Variants in NR6A1 observed in about 807,000 individuals in gnomAD.
NR6A1 encodes the protein nuclear receptor subfamily 6 group A member 1, also known as retinoic acid receptor-related testis-associated receptor.
A neutral mutation model predicts 59.1 loss-of-function variants in NR6A1; 7 were observed. That is an observed-to-expected ratio of 0.12 (90% CI 0.07 to 0.22). The LOEUF (loss-of-function observed/expected upper bound fraction) is 0.22. Among genes scored for constraint, NR6A1 ranks in the 10% least tolerant of loss-of-function variants. The probability of loss-of-function intolerance (pLI) is 1.00; values close to 1 mark genes in which losing one functional copy is unlikely to be tolerated. For synonymous variants in NR6A1, 243 were observed against 236.1 expected (o/e 1.03, Z -0.27); for missense variants, 468 against 611.6 (o/e 0.77, Z 2.48).
chr9:124,766,266 C>T (rs1265000917), intron 1 of NR6A1, among the ~76,000 whole-genome samples: 1 of 152,148 alleles, frequency 6.6e-6, no homozygotes, highest in African/African-American at 2.4e-5. Flanking sequence ...CAGGAAAAAA[C>T]TTTAATTAAA....
intron 2 of NR6A1, among the ~76,000 whole-genome samples, chr9:124,621,856 T>G (rs1256372214): frequency 6.6e-6 from 1 of 152,036 alleles, no homozygotes; most frequent in African/African-American, 2.4e-5. Context: ...GGGAGGAAGG[T>G]GGTTAATTTT....
intron 2 of NR6A1, among the ~76,000 whole-genome samples, chr9:124,637,526 A>G (rs1836644850): frequency 9.2e-5 from 14 of 152,230 alleles, no homozygotes. Context: ...CAAGAAAAAA[A>G]GACTCAAGAG....
At chr9:124,545,396 T>C (rs1342819645) in intron 3 of NR6A1, among the ~76,000 whole-genome samples, 1 of 152,178 alleles carries the variant, frequency 6.6e-6, no homozygotes, top group African/African-American at 2.4e-5. Context: ...ATCTTAATAT[T>C]TTCATCTGCT....
At chr9:124,688,791 T>C (rs1838425190) in intron 2 of NR6A1, among the ~76,000 whole-genome samples, 1 of 152,212 alleles carries the variant, frequency 6.6e-6, no homozygotes, top group Non-Finnish European at 1.5e-5. Flanking sequence ...GATTCCATAA[T>C]TGAAACTGCT....
At chr9:124,635,017 G>A (rs1038888325) in intron 2 of NR6A1, among the ~76,000 whole-genome samples, 4 of 151,994 alleles carry the variant, frequency 2.6e-5, no homozygotes, top group Admixed American at 1.3e-4. Context: ...ACCTAAGTCC[G>A]TAACTTACAA....
chr9:124,538,264 A>G lies in NR6A1; in HGVS notation c.652T>C (p.Ser218Pro). Reference sequence around the variant, plus strand: ...ATATATTGGTAATGTGGAGGCACAGACATTCCCATGTACTGTTCCCTGAAG... The same window carrying G: ...ATATATTGGTAATGTGGAGGCACAGGCATTCCCATGTACTGTTCCCTGAAG... ...MAFREQYMGMSVPPHYQYIPH... is the reference protein window; with the variant it reads ...MAFREQYMGMPVPPHYQYIPH... The change falls in exon 6 of 10, where the codon TCT becomes CCT. Residue 218 changes from serine (S) to proline (P), a missense_variant. Coordinates refer to ENST00000487099, the MANE Select transcript of NR6A1 (RefSeq NM_033334.4). 1.2e-6 allele frequency: 2 copies of G among 1,614,214 alleles called. No individual in the cohort carries two copies. Among genetic ancestry groups the G allele is most frequent in the Non-Finnish European group, 1.7e-6 (2 of 1,180,034 alleles).
chr9:124,644,297 T>C (rs1836868999), intron 2 of NR6A1, among the ~76,000 whole-genome samples: 1 of 80,222 alleles, frequency 1.2e-5, no homozygotes, highest in Non-Finnish European at 2.4e-5. Context: ...TTTTGAGACA[T>C]GGTTTCGCTC....
chr9:124,545,613 T>C (rs1158926647), intron 3 of NR6A1, among the ~76,000 whole-genome samples: 1 of 152,222 alleles, frequency 6.6e-6, no homozygotes, highest in Admixed American at 6.5e-5. Context: ...CTATTTCCAA[T>C]AATAACATCT....
At chr9:124,570,307 C>T (rs1778593001) in intron 2 of NR6A1, among the ~76,000 whole-genome samples, 2 of 152,228 alleles carry the variant, frequency 1.3e-5, no homozygotes, top group Admixed American at 1.3e-4. Flanking sequence ...AGGCACAGAC[C>T]TGTCTACTAG....
At chr9:124,596,306 T>G (rs1044525506) in intron 2 of NR6A1, among the ~76,000 whole-genome samples, 2 of 151,584 alleles carry the variant, frequency 1.3e-5, no homozygotes, top group African/African-American at 4.9e-5. Flanking sequence ...AGGGTTTTTC[T>G]GGGGGGTATG....
At chr9:124,629,186 A>T (rs901877898) in intron 2 of NR6A1, among the ~76,000 whole-genome samples, 1 of 152,150 alleles carries the variant, frequency 6.6e-6, no homozygotes, top group African/African-American at 2.4e-5. Context: ...TGGTGTGCAG[A>T]GCCTAACAAT....
At chr9:124,686,129 CAATAATAAACTTTCT>C (rs2131006663) in intron 2 of NR6A1, among the ~76,000 whole-genome samples, 1 of 152,230 alleles carries the variant, frequency 6.6e-6, no homozygotes, top group African/African-American at 2.4e-5. Context: ...CTACCTGAGG[CAATAATAAACTTTCT>C]AAGAACAGAG....
At chr9:124,532,376 C>G (rs1367626562) in intron 7 of NR6A1, among the ~76,000 whole-genome samples, 1 of 152,168 alleles carries the variant, frequency 6.6e-6, no homozygotes, top group South Asian at 2.1e-4. Flanking sequence ...TGTGAACAGA[C>G]GTACTCACTC....
At chr9:124,612,780 TTTTCTTTCTTTCTTTTC>T (rs1202242099) in intron 2 of NR6A1, among the ~76,000 whole-genome samples, 1 of 144,758 alleles carries the variant, frequency 6.9e-6, no homozygotes, top group Non-Finnish European at 1.6e-5. Flanking sequence ...TAGTTTGGGT[TTTTCTTTCTTTCTTTTC>T]TTTCTTTCTT....
intron 1 of NR6A1, among the ~76,000 whole-genome samples, chr9:124,750,677 G>A (rs550747084): frequency 1.3e-4 from 20 of 151,956 alleles, no homozygotes; most frequent in Non-Finnish European, 2.5e-4. Flanking sequence ...GGAGAATGGC[G>A]TGAACCCAGG....
At chr9:124,569,123 G>A (rs1234152102) in intron 2 of NR6A1, among the ~76,000 whole-genome samples, 3 of 152,054 alleles carry the variant, frequency 2.0e-5, no homozygotes, top group East Asian at 1.9e-4. Flanking sequence ...AAAAAAAAAT[G>A]AGCCTCAGTG....
At chr9:124,553,785 GCCC>G (rs1588661569) in intron 3 of NR6A1, among the ~76,000 whole-genome samples, 1 of 151,552 alleles carries the variant, frequency 6.6e-6, no homozygotes, top group East Asian at 1.9e-4. Flanking sequence ...TGTTTCCCCT[GCCC>G]CAATTCACCC....
chr9:124,569,741 A>C (rs1161378653), intron 2 of NR6A1, among the ~76,000 whole-genome samples: 1 of 152,232 alleles, frequency 6.6e-6, no homozygotes, highest in Non-Finnish European at 1.5e-5. Flanking sequence ...TTTCATTTGC[A>C]AACACAGAAT....
At chr9:124,704,852 C>T (rs994875491) in intron 2 of NR6A1, among the ~76,000 whole-genome samples, 1 of 152,154 alleles carries the variant, frequency 6.6e-6, no homozygotes, top group African/African-American at 2.4e-5. Context: ...GATACACCCA[C>T]CCCAACCTCC....
Sources: gnomAD v4.1 joint callset for allele counts (sites outside exome capture counted in the v4.1 genomes callset) on GRCh38, gnomAD v4.1.1 for gene constraint, MANE v1.5 for transcripts, NCBI Gene and HGNC (gene_info 2026-07-23, HGNC 2026-07-21) for gene names.